The following ARID5B variants were observed in gnomAD, a reference collection of about 807,000 sequenced individuals.
ARID5B encodes the protein AT-rich interaction domain 5B, also known as AT-rich interactive domain-containing protein 5B.
A neutral mutation model predicts 97.2 loss-of-function variants in ARID5B; 13 were observed. The ratio of observed to expected loss-of-function variants is 0.13; its 90% CI spans 0.09 to 0.21. ARID5B has a LOEUF of 0.21. Among genes scored for constraint, ARID5B ranks in the 10% least tolerant of loss-of-function variants. The pLI is 1.00. For synonymous variants in ARID5B, 556 were observed against 570.3 expected, an observed-to-expected ratio of 0.97 and a Z score of 0.36; for missense variants, 1,210 against 1,465.3, an observed-to-expected ratio of 0.83 and a Z score of 2.84.
At chr10:61,940,085 C>A in intron 2 of ARID5B, 98 bp from the exon 3 acceptor site, 1 of 1,077,596 alleles carries the variant, frequency 9.3e-7, no homozygotes, top group Non-Finnish European at 1.4e-6. Flanking sequence ...TAGGTTAAAC[C>A]ACTCACATGG....
At chr10:62,080,809 A>T (rs149446602) in intron 8 of ARID5B, among the ~76,000 whole-genome samples, 129 of 152,138 alleles carry the variant, frequency 8.5e-4, no homozygotes, top group African/African-American at 3.1e-3. Context: ...TAATAGTATT[A>T]GAATAGTAGT....
At chr10:61,991,014 A>G (rs1207924866) in intron 3 of ARID5B, among the ~76,000 whole-genome samples, 3 of 147,138 alleles carry the variant, frequency 2.0e-5, no homozygotes, top group Admixed American at 6.8e-5. Flanking sequence ...AATACCTCGT[A>G]TAAGTGGAAT....
chr10:61,995,193 C>T (rs1332250981), intron 3 of ARID5B, among the ~76,000 whole-genome samples: 1 of 152,184 alleles, frequency 6.6e-6, no homozygotes, highest in Non-Finnish European at 1.5e-5. Context: ...GTTCCAGGAA[C>T]ACTTTGTTTG....
At chr10:62,026,311 G>C (rs1564630793) in intron 4 of ARID5B, among the ~76,000 whole-genome samples, 1 of 152,206 alleles carries the variant, frequency 6.6e-6, no homozygotes, top group Admixed American at 6.5e-5. Context: ...GATATGTGTG[G>C]TGTGGGCAAT....
At chr10:61,910,460 G>A (rs1247388427) in intron 2 of ARID5B, among the ~76,000 whole-genome samples, 1 of 152,108 alleles carries the variant, frequency 6.6e-6, no homozygotes, top group Non-Finnish European at 1.5e-5. Context: ...ATCGATTGTT[G>A]GCTTAAGGAT....
At chr10:62,086,038 G>T (rs1027090102) in intron 9 of ARID5B, 138 bp downstream of exon 9, 1 of 897,896 alleles carries the variant, frequency 1.1e-6, no homozygotes, top group Non-Finnish European at 1.7e-6. Context: ...AAGCTTCACA[G>T]TTCCCCACAT....
chr10:62,034,563 C>T (rs1839537825), intron 4 of ARID5B, among the ~76,000 whole-genome samples: 1 of 152,162 alleles, frequency 6.6e-6, no homozygotes, highest in African/African-American at 2.4e-5. Flanking sequence ...TGTGTGTTTC[C>T]CTGGTGATTG....
At chr10:62,048,621 G>A (rs1839742975) in intron 4 of ARID5B, among the ~76,000 whole-genome samples, 1 of 152,186 alleles carries the variant, frequency 6.6e-6, no homozygotes, top group African/African-American at 2.4e-5. Context: ...ATCTGCTGGG[G>A]GAGTACATGT....
chr10:61,909,059 G>A (rs1843754348), intron 2 of ARID5B, among the ~76,000 whole-genome samples: 1 of 152,126 alleles, frequency 6.6e-6, no homozygotes, highest in South Asian at 2.1e-4. Context: ...CCTATTATGT[G>A]CCAGATCCTA....
At chr10:62,035,630 A>G (rs1040269086) in intron 4 of ARID5B, among the ~76,000 whole-genome samples, 1 of 152,024 alleles carries the variant, frequency 6.6e-6, no homozygotes, top group African/African-American at 2.4e-5. Flanking sequence ...AGCTGCGATC[A>G]CAGGCGTCTG....
chr10:61,972,389 G>A (rs929501692), intron 3 of ARID5B, among the ~76,000 whole-genome samples: 8 of 151,724 alleles, frequency 5.3e-5, no homozygotes, highest in Non-Finnish European at 8.8e-5. Flanking sequence ...CACCACATCC[G>A]GCTAATTTTT....
rs1363718766 is a variant in ARID5B at position 62,091,257 on chromosome 10, C to A, written c.1794C>A (p.Phe598Leu). Residue 598 changes from phenylalanine (F) to leucine (L), a missense_variant, in exon 10 of 10, where the codon TTC (phenylalanine) becomes TTA (leucine). Around this residue, in one of 8 missense-constraint regions of ARID5B, gnomAD observed 800 missense variants for 839.1 expected, o/e 0.95. Transcript: ENST00000279873. ...CCCAAGAAGCATCCTTCCCCAGCTT[C>A]CCCACCACACAGCCACCGCTGGCAA... is the stretch of plus-strand genomic sequence containing the variant. ...SEPQEASFPSFPTTQPPLANQ... is the reference protein window; with the variant it reads ...SEPQEASFPSLPTTQPPLANQ... The A allele has an allele frequency of 1.2e-6, 2 of 1,614,040 alleles. No individual in the cohort carries two copies. Among genetic ancestry groups the A allele is most frequent in the African/African-American group, 1.3e-5 (1 of 74,928 alleles).
At chr10:61,961,940 G>A (rs1838477346) in intron 3 of ARID5B, among the ~76,000 whole-genome samples, 1 of 152,118 alleles carries the variant, frequency 6.6e-6, no homozygotes, top group African/African-American at 2.4e-5. Flanking sequence ...GTAGAAACAG[G>A]GTTTCACCGT....
At position 61,916,114 on chromosome 10, in the gene ARID5B, C is replaced by T. The variant is rs542498954; in HGVS notation, c.276+13701C>T. 6.6e-5 allele frequency among the ~76,000 whole-genome samples: 10 copies of T among 152,286 alleles called. No homozygotes were observed. The South Asian group carries it at 1.5e-3, about 22-fold the overall frequency. On this transcript the variant is annotated intron_variant, in intron 2 of 9. Transcript: ENST00000279873. The stretch of plus-strand genomic sequence containing the variant: ...TGTCACCCAGGCTGGAGTGCAAAGG[C>T]GTGGTCTTGCCTCATCGCAACCTCT...
chr10:61,999,074 T>C (rs1839041104), intron 3 of ARID5B, among the ~76,000 whole-genome samples: 3 of 152,124 alleles, frequency 2.0e-5, no homozygotes, highest in African/African-American at 7.2e-5. Flanking sequence ...TCCACTTCTG[T>C]CATATTTCAT....
In ARID5B at chr10:61,949,413, G is replaced by A. The variant is rs147954865; in HGVS notation, c.502+9005G>A. 8.2e-4 allele frequency among the ~76,000 whole-genome samples: 125 copies of A among 152,318 alleles called. 1 individual carries two copies. The East Asian group carries it at 0.015, about 18-fold the overall frequency. On this transcript the variant is annotated intron_variant, in intron 3 of 9. Coordinates refer to ENST00000279873, the MANE Select transcript of ARID5B (RefSeq NM_032199.3). ...ACACTTTGGGAGGCCAAGGCAGGTG[G>A]ATCACTTGAGGTCAGGAGTTTGAGA...
intron 8 of ARID5B, among the ~76,000 whole-genome samples, chr10:62,085,332 C>T (rs1364115606): frequency 6.6e-6 from 1 of 152,120 alleles, no homozygotes; most frequent in African/African-American, 2.4e-5. Context: ...AGTATGTGCT[C>T]AATAAATAGT....
At chr10:62,067,304 A>C (rs1840006517) in intron 7 of ARID5B, among the ~76,000 whole-genome samples, 1 of 152,120 alleles carries the variant, frequency 6.6e-6, no homozygotes, top group South Asian at 2.1e-4. Context: ...GCTGGTCTTG[A>C]ACTCCCAACC....
Position 62,050,993 on chromosome 10 carries a change from T to C in ARID5B, c.839T>C (p.Val280Ala), listed in dbSNP as rs764348201. The C allele has an allele frequency of 1.9e-6, 3 of 1,613,230 alleles. No individual in the cohort carries two copies. Among genetic ancestry groups the C allele is most frequent in the African/African-American group, 2.7e-5 (2 of 74,932 alleles). Residue 280 changes from valine (V) to alanine (A), a missense_variant, in exon 5 of 10, where the codon GTT (valine) becomes GCT (alanine). Around this residue, in one of 8 missense-constraint regions of ARID5B, gnomAD observed 132 missense variants for 156.7 expected, o/e 0.84. Coordinates refer to ENST00000279873, the MANE Select transcript of ARID5B (RefSeq NM_032199.3). Reference sequence around the variant, plus strand: ...AACAACAATTCCGATGGCAAAGCCGTTGCCAAGGTACGGTCATTCACTCCA... The same window carrying C: ...AACAACAATTCCGATGGCAAAGCCGCTGCCAAGGTACGGTCATTCACTCCA... Reference protein sequence around the residue: ...DSNNNSDGKAVAKVKCEARSA... With the variant: ...DSNNNSDGKAAAKVKCEARSA...
Sources: allele counts gnomAD v4.1 joint callset (sites outside exome capture counted in the v4.1 genomes callset), GRCh38; gene constraint gnomAD v4.1.1; regional missense constraint gnomAD v4.1.1; transcripts MANE v1.5; gene names NCBI Gene and HGNC (gene_info 2026-07-23, HGNC 2026-07-21).